KIAA1217: variants seen among roughly 807,000 people sequenced by gnomAD.
The protein encoded by KIAA1217 is sickle tail protein homolog.
In KIAA1217, 88 loss-of-function variants were observed where a neutral mutation model predicts 163.9. The ratio of observed to expected loss-of-function variants is 0.54; its 90% CI spans 0.45 to 0.64. The LOEUF (loss-of-function observed/expected upper bound fraction) is 0.64. KIAA1217 is among the 30% of genes least tolerant of loss of function. The probability of loss-of-function intolerance (pLI) is 0.00; values close to 1 mark genes in which losing one functional copy is unlikely to be tolerated. For synonymous variants in KIAA1217, 903 were observed against 923.1 expected, an observed-to-expected ratio of 0.98 and a Z score of 0.39; for missense variants, 2,372 against 2,475.0, an observed-to-expected ratio of 0.96 and a Z score of 0.88.
intron 1 of KIAA1217, among the ~76,000 whole-genome samples, chr10:23,786,277 AAGGGGG>A (rs1835490537): frequency 6.6e-6 from 1 of 151,972 alleles, no homozygotes; most frequent in Admixed American, 6.6e-5. Flanking sequence ...TAATATGGAT[AAGGGGG>A]AGAGTTTGGG....
intron 1 of KIAA1217, among the ~76,000 whole-genome samples, chr10:23,848,318 A>G (rs1839139509): frequency 6.6e-6 from 1 of 152,078 alleles, no homozygotes; most frequent in Admixed American, 6.6e-5. Flanking sequence ...GGGGGGTGTT[A>G]AAGTCTCCCA....
intron 2 of KIAA1217, among the ~76,000 whole-genome samples, chr10:24,153,208 A>G (rs1454769918): frequency 1.3e-5 from 2 of 152,334 alleles, no homozygotes; most frequent in East Asian, 3.9e-4. Context: ...ATAACTCTTC[A>G]TATAACATTA....
chr10:23,714,757 C>A (rs1346985461), intron 1 of KIAA1217, among the ~76,000 whole-genome samples: 1 of 151,960 alleles, frequency 6.6e-6, no homozygotes, highest in Non-Finnish European at 1.5e-5. Context: ...AGCTGAGAAA[C>A]CAAAGGGTAG....
intron 1 of KIAA1217, among the ~76,000 whole-genome samples, chr10:23,894,338 C>T (rs972940112): frequency 6.6e-6 from 1 of 151,984 alleles, no homozygotes; most frequent in Non-Finnish European, 1.5e-5. Context: ...CATTCTTACA[C>T]ACCAGCAACA....
At chr10:23,812,787 G>A (rs75020764) in intron 1 of KIAA1217, among the ~76,000 whole-genome samples, 40 of 152,202 alleles carry the variant, frequency 2.6e-4, no homozygotes, top group African/African-American at 7.7e-4. Context: ...ATGGAATCAC[G>A]CAGTATGTGG....
intron 1 of KIAA1217, among the ~76,000 whole-genome samples, chr10:23,969,578 T>C (rs1770102608): frequency 6.6e-6 from 1 of 152,236 alleles, no homozygotes; most frequent in South Asian, 2.1e-4. Flanking sequence ...TTTTTATATT[T>C]TCTTTGGAGA....
rs186851787 is a variant in KIAA1217 at position 23,763,198 on chromosome 10, T to C, written c.-321+67964T>C. Among the ~76,000 whole-genome samples, 314 of 152,310 alleles carry C rather than the reference T, an allele frequency of 2.1e-3. 1 individual carries two copies. The highest frequency in any genetic ancestry group is 7.3e-3 in the African/African-American group (303 of 41,582). On this transcript the variant is annotated intron_variant, in intron 1 of 18. Transcript: ENST00000376462. ...AATGGCCATACTGCCCAAAGTAATT[T>C]ATAGATTCAATGCTGTTTCCATCAA...
At chr10:24,371,720 A>G (rs1454012452) in intron 2 of KIAA1217, among the ~76,000 whole-genome samples, 1 of 151,436 alleles carries the variant, frequency 6.6e-6, no homozygotes, top group African/African-American at 2.4e-5. Context: ...GAATCCAATC[A>G]TACAGAATAC....
chr10:24,021,630 A>T (rs1847736459), intron 2 of KIAA1217, among the ~76,000 whole-genome samples: 1 of 151,986 alleles, frequency 6.6e-6, no homozygotes. Flanking sequence ...AGATACAAAT[A>T]GCCAACACAG....
At chr10:23,711,868 G>A (rs1209283373) in intron 1 of KIAA1217, among the ~76,000 whole-genome samples, 3 of 152,274 alleles carry the variant, frequency 2.0e-5, no homozygotes, top group Middle Eastern at 3.4e-3. Flanking sequence ...CACAACCCTT[G>A]AAGGATGGGA....
chr10:24,344,611 T>C (rs967995695), intron 2 of KIAA1217, among the ~76,000 whole-genome samples: 1 of 152,194 alleles, frequency 6.6e-6, no homozygotes, highest in South Asian at 2.1e-4. Context: ...CTGAACTGAT[T>C]GGGTATTTTC....
intron 2 of KIAA1217, among the ~76,000 whole-genome samples, chr10:24,049,765 C>T (rs1849351577): frequency 6.6e-6 from 1 of 152,166 alleles, no homozygotes; most frequent in Admixed American, 6.5e-5. Context: ...CTGCAGTAAA[C>T]ATACGTGTGC....
intron 2 of KIAA1217, among the ~76,000 whole-genome samples, chr10:24,237,247 G>A (rs958331480): frequency 5.3e-5 from 8 of 152,194 alleles, no homozygotes; most frequent in South Asian, 2.1e-4. Context: ...CCCAGCCTTC[G>A]TGTGTTGTCC....
At chr10:24,480,728 C>A (rs2064576040) in intron 6 of KIAA1217, among the ~76,000 whole-genome samples, 2 of 152,070 alleles carry the variant, frequency 1.3e-5, no homozygotes, top group Non-Finnish European at 2.9e-5. Flanking sequence ...GAGGAACTCC[C>A]CGAAGAAGCA....
chr10:23,938,321 C>T (rs1843618902), intron 1 of KIAA1217, among the ~76,000 whole-genome samples: 1 of 151,910 alleles, frequency 6.6e-6, no homozygotes, highest in African/African-American at 2.4e-5. Context: ...AAGTCTGCTC[C>T]AGTGCAGTTA....
chr10:24,517,501 T>A (rs2070382027), intron 10 of KIAA1217, among the ~76,000 whole-genome samples: 1 of 152,184 alleles, frequency 6.6e-6, no homozygotes. Flanking sequence ...GCTTATTTTT[T>A]AAAAGCCAGA....
intron 1 of KIAA1217, among the ~76,000 whole-genome samples, chr10:23,924,100 C>A (rs1342095098): frequency 6.6e-6 from 1 of 151,070 alleles, no homozygotes; most frequent in African/African-American, 2.4e-5. Flanking sequence ...AAACTGCAAA[C>A]AATAATTGTA....
chr10:24,383,854 G>T (rs908605986), intron 3 of KIAA1217, among the ~76,000 whole-genome samples: 1 of 152,240 alleles, frequency 6.6e-6, no homozygotes, highest in African/African-American at 2.4e-5. Flanking sequence ...GCGTAATCCA[G>T]TTGAGCCTGG....
At chr10:24,004,386 T>C (rs1424275274) in intron 1 of KIAA1217, among the ~76,000 whole-genome samples, 1 of 152,208 alleles carries the variant, frequency 6.6e-6, no homozygotes, top group Non-Finnish European at 1.5e-5. Flanking sequence ...AATGTTCTTA[T>C]TCATTCATTA....
Sources: allele counts gnomAD v4.1 joint callset (sites outside exome capture counted in the v4.1 genomes callset), GRCh38; gene constraint gnomAD v4.1.1; transcripts MANE v1.5; gene names NCBI Gene and HGNC (gene_info 2026-07-23, HGNC 2026-07-21).